SLC28A1: variants seen among roughly 807,000 people sequenced by gnomAD.
SLC28A1 encodes the protein solute carrier family 28 member 1.
SLC28A1 carries 64 observed loss-of-function variants against 74.8 expected under a neutral mutation model. The observed-to-expected ratio is 0.86, with a 90% CI of 0.70 to 1.05. SLC28A1 has a LOEUF of 1.05. SLC28A1 is among the 50% of genes least tolerant of loss of function. SLC28A1 has a pLI of 0.00. For synonymous variants in SLC28A1, 359 were observed against 335.0 expected, an observed-to-expected ratio of 1.07 and a Z score of -0.78; for missense variants, 828 against 822.8, an observed-to-expected ratio of 1.01 and a Z score of -0.08.
chr15:84,916,627 G>T (rs1179953441), intron 9 of SLC28A1, among the ~76,000 whole-genome samples: 3 of 152,042 alleles, frequency 2.0e-5, no homozygotes, highest in Non-Finnish European at 2.9e-5. Context: ...CTGCCCACTT[G>T]GTATTCCACA....
At chr15:84,917,051 A>C in intron 9 of SLC28A1, among the ~76,000 whole-genome samples, 1 of 147,470 alleles carries the variant, frequency 6.8e-6, no homozygotes, top group East Asian at 2.0e-4. Flanking sequence ...TAAATAAAAA[A>C]GGTAGGAACA....
chr15:84,899,934 A>AG (rs1446747590), intron 6 of SLC28A1, among the ~76,000 whole-genome samples: 15 of 102,544 alleles, frequency 1.5e-4, no homozygotes, highest in Admixed American at 4.3e-4. Flanking sequence ...AGGGAAAGAA[A>AG]GAAAGAAAGG....
Position 84,917,040 on chromosome 15 carries a change from ATAAAT to A in SLC28A1, c.796-1483_796-1479del, listed in dbSNP as rs1437352968. Among the ~76,000 whole-genome samples the A allele has an allele frequency of 1.8e-3, 228 of 129,990 alleles. 88 individuals carry two copies. In the Middle Eastern group the frequency reaches 0.029, roughly 16 times the overall value. 85.3% of individuals were successfully genotyped at this position (129,990 alleles called of 152,430 possible). ...GAGATTCTGTCTCAAAAAAAAAAAA[ATAAAT>A]AAAAAAGGTAGGAACAGATGAGAAA... On this transcript the variant is annotated intron_variant, in intron 9 of 18. Transcript: ENST00000394573.
At chr15:84,964,188 G>C in the SLC28A1 span, among the ~76,000 whole-genome samples, 1 of 151,992 alleles carries the variant, frequency 6.6e-6, no homozygotes, top group Non-Finnish European at 1.5e-5. Context: ...AAGGAAATGT[G>C]TCCATCTTGT....
rs1336139534 is a variant in SLC28A1 at position 84,888,879 on chromosome 15, G to C, written c.185+19G>C. The C allele has an allele frequency of 1.3e-6, 2 of 1,528,888 alleles. No homozygotes were observed. Among genetic ancestry groups the C allele is most frequent in the East Asian group, 2.5e-5 (1 of 40,814 alleles). The allele number at this position is 1,528,888 out of a possible 1,614,324, so 94.7% of individuals were successfully genotyped here. A position where few individuals can be genotyped will look rare whatever the true frequency, so the allele number is the denominator to read the frequency against. On this transcript the variant is annotated intron_variant, in intron 4 of 18. Coordinates refer to ENST00000394573, the MANE Select transcript of SLC28A1 (RefSeq NM_004213.5). The stretch of plus-strand genomic sequence containing the variant: ...CCAGATGGTAGGTGATCTCTGGAGA[G>C]ACAAGGGCGGGCCTGGGGTGGAGGC...
chr15:84,913,546 C>A (rs1420353170), intron 9 of SLC28A1, among the ~76,000 whole-genome samples: 1 of 152,180 alleles, frequency 6.6e-6, no homozygotes, highest in Non-Finnish European at 1.5e-5. Flanking sequence ...AACATCAGGC[C>A]CCACTGTAGA....
intron 1 of SLC28A1, among the ~76,000 whole-genome samples, chr15:84,885,239 A>G (rs910038516): frequency 1.1e-4 from 16 of 148,312 alleles, no homozygotes; most frequent in African/African-American, 1.5e-4. Context: ...GAGTGCAGGC[A>G]TGAGCCACCG....
chr15:84,968,980 C>T, the SLC28A1 span, among the ~76,000 whole-genome samples: 1 of 152,140 alleles, frequency 6.6e-6, no homozygotes, highest in Admixed American at 6.5e-5. Context: ...ACCTGAAAAA[C>T]CTGACCTGGT....
At chr15:84,937,703 A>G (rs1024909845) in intron 15 of SLC28A1, among the ~76,000 whole-genome samples, 2 of 151,810 alleles carry the variant, frequency 1.3e-5, no homozygotes, top group African/African-American at 4.8e-5. Context: ...GGAGTTTGAG[A>G]CCAGCCTGAC....
At chr15:84,970,041 CAA>C in the SLC28A1 span, among the ~76,000 whole-genome samples, 1 of 152,186 alleles carries the variant, frequency 6.6e-6, no homozygotes, top group Non-Finnish European at 1.5e-5. Context: ...CACCAAGTAG[CAA>C]AGAGTTCAAA....
chr15:84,913,312 G>T (rs1968611496), intron 9 of SLC28A1, among the ~76,000 whole-genome samples: 3 of 152,170 alleles, frequency 2.0e-5, no homozygotes, highest in Admixed American at 2.0e-4. Context: ...AGACATGAGG[G>T]TTTGCCCAGA....
At chr15:84,960,677 C>T in the SLC28A1 span, among the ~76,000 whole-genome samples, 5 of 152,180 alleles carry the variant, frequency 3.3e-5, no homozygotes, top group Non-Finnish European at 5.9e-5. Context: ...AGGCTTTCAA[C>T]TCCGCTTCCT....
intron 18 of SLC28A1, 67 bp from the exon 19 acceptor site, chr15:84,945,058 C>T (rs2142067457): frequency 7.0e-7 from 1 of 1,428,222 alleles, no homozygotes; most frequent in Non-Finnish European, 9.9e-7. Context: ...CCCGGTGTTG[C>T]ACAGCCTGGT....
At chr15:84,906,559 TCTTTCTCTTTCTTTCTTC>T (rs1567140369) in intron 8 of SLC28A1, among the ~76,000 whole-genome samples, 2 of 89,266 alleles carry the variant, frequency 2.2e-5, no homozygotes, top group East Asian at 6.1e-4. Flanking sequence ...TTTCTTTCTT[TCTTTCTCTTTCTTTCTTC>T]CTTCCTTCCT....
intron 2 of SLC28A1, 143 bp from the exon 3 acceptor site, chr15:84,887,602 G>A (rs982362121): frequency 3.2e-5 from 49 of 1,521,288 alleles, no homozygotes; most frequent in Non-Finnish European, 4.3e-5. Context: ...CTCTGGGATG[G>A]CATAGGTGGC....
chr15:84,884,810 G>T (rs574870278), intron 1 of SLC28A1, 59 bp downstream of exon 1: 5 of 894,554 alleles, frequency 5.6e-6, no homozygotes, highest in Non-Finnish European at 6.7e-6. Flanking sequence ...GGAGGGGAAG[G>T]GGGTAGCACA....
At chr15:84,971,738 C>T in the SLC28A1 span, among the ~76,000 whole-genome samples, 3 of 152,090 alleles carry the variant, frequency 2.0e-5, no homozygotes, top group African/African-American at 4.8e-5. Flanking sequence ...CAACCTCCAC[C>T]TCCCAGGCTC....
chr15:84,921,427 C>T (rs1596310000), intron 11 of SLC28A1, among the ~76,000 whole-genome samples: 1 of 152,230 alleles, frequency 6.6e-6, no homozygotes, highest in Non-Finnish European at 1.5e-5. Flanking sequence ...GGCTTCAAAT[C>T]CAGGTTTTCT....
intron 12 of SLC28A1, among the ~76,000 whole-genome samples, chr15:84,928,573 T>C (rs1596327268): frequency 1.1e-4 from 3 of 26,308 alleles, no homozygotes; most frequent in Admixed American, 3.5e-4. Context: ...TTTCTTTCTT[T>C]CTTTCTTTCT....
Sources: allele counts gnomAD v4.1 joint callset (sites outside exome capture counted in the v4.1 genomes callset), GRCh38; gene constraint gnomAD v4.1.1; transcripts MANE v1.5; gene names NCBI Gene and HGNC (gene_info 2026-07-23, HGNC 2026-07-21).